Variants in KIAA0825 observed in about 807,000 individuals in gnomAD.
KIAA0825 encodes the protein KIAA0825, also known as uncharacterized protein KIAA0825.
A neutral mutation model predicts 147.6 loss-of-function variants in KIAA0825; 119 were observed. That is an observed-to-expected ratio of 0.81 (90% CI 0.69 to 0.94). KIAA0825 has a LOEUF of 0.94. Ranked by LOEUF, KIAA0825 falls within the 40% of genes least tolerant of loss-of-function variation. KIAA0825 has a pLI of 0.00. For synonymous variants in KIAA0825, 470 were observed against 518.1 expected (o/e 0.91, Z 1.26); for missense variants, 1,381 against 1,472.7 (o/e 0.94, Z 1.02).
At chr5:94,358,769 A>G (rs956616562) in intron 20 of KIAA0825, among the ~76,000 whole-genome samples, 2 of 152,224 alleles carry the variant, frequency 1.3e-5, no homozygotes, top group African/African-American at 4.8e-5. Flanking sequence ...GGGTACTTGC[A>G]TAATATTCTG....
chr5:94,537,262 T>C, intron 2 of KIAA0825, 135 bp from the exon 3 acceptor site: 2 of 592,280 alleles, frequency 3.4e-6, no homozygotes, highest in South Asian at 4.8e-5. Context: ...CAATGAAATA[T>C]AGCAGTTGGA....
chr5:94,522,123 A>C (rs1257713465), intron 4 of KIAA0825, among the ~76,000 whole-genome samples: 2 of 151,672 alleles, frequency 1.3e-5, no homozygotes, highest in Admixed American at 1.3e-4. Flanking sequence ...GTATTTAAAA[A>C]CCCAATTTAC....
At chr5:94,611,527 G>C (rs930868748) in intron 1 of KIAA0825, among the ~76,000 whole-genome samples, 5 of 150,534 alleles carry the variant, frequency 3.3e-5, no homozygotes, top group African/African-American at 9.7e-5. Context: ...GGTGGGGGCT[G>C]GGGGGAAGGA....
At chr5:94,442,348 C>T (rs1022622922) in intron 13 of KIAA0825, among the ~76,000 whole-genome samples, 1 of 152,110 alleles carries the variant, frequency 6.6e-6, no homozygotes, top group African/African-American at 2.4e-5. Flanking sequence ...TGGAGTAACT[C>T]CTCAGGCAAT....
At chr5:94,533,277 C>CT (rs780139022) in intron 3 of KIAA0825, among the ~76,000 whole-genome samples, 1,316 of 124,358 alleles carry the variant, frequency 0.011, 11 homozygotes, top group African/African-American at 0.023. Context: ...TGTGCCCGGC[C>CT]TTTTTTTTTT....
intron 20 of KIAA0825, among the ~76,000 whole-genome samples, chr5:94,332,335 G>A (rs1035874698): frequency 2.6e-5 from 4 of 151,312 alleles, no homozygotes; most frequent in Admixed American, 6.6e-5. Context: ...CCATCAACAC[G>A]TCATCTACAT....
rs747456042 is a variant in KIAA0825, at chr5:94,563,931, C to T, written c.-2+18502G>A. Among the ~76,000 whole-genome samples, 17 of 152,222 alleles carry T rather than the reference C, an allele frequency of 1.1e-4. 1 individual carries two copies. The highest frequency in any genetic ancestry group is 2.6e-4 in the Admixed American group (4 of 15,300). On this transcript the variant is annotated intron_variant, in intron 2 of 20. Transcript: ENST00000682413. ...GAACTCCTGACCTCAAGTGACCCAC[C>T]GCCTCAGCCTCCCAAACTGCTGGGA... is the stretch of plus-strand genomic sequence containing the variant.
intron 4 of KIAA0825, among the ~76,000 whole-genome samples, chr5:94,523,173 T>A (rs1172156420): frequency 6.6e-6 from 1 of 151,692 alleles, no homozygotes; most frequent in African/African-American, 2.4e-5. Flanking sequence ...ATTTTCCACA[T>A]CTGTCTTAGT....
rs1382039559 is a variant in KIAA0825, at chr5:94,388,440, T to C, written c.3457-2036A>G. 3.9e-4 allele frequency among the ~76,000 whole-genome samples: 59 copies of C among 152,194 alleles called. 2 individuals are homozygous for C. Among genetic ancestry groups the C allele is most frequent in the Admixed American group, 3.9e-3 (59 of 15,272 alleles). ...ATGGACTCTTACTAAACATTGTTAATGATAAAGCCATCAGAAAATAGTTTT... is the reference window on the plus strand; with the variant it reads ...ATGGACTCTTACTAAACATTGTTAACGATAAAGCCATCAGAAAATAGTTTT... On this transcript the variant is annotated intron_variant, in intron 18 of 20. Coordinates refer to ENST00000682413, the MANE Select transcript of KIAA0825 (RefSeq NM_001145678.3).
At position 94,255,831 on chromosome 5, in the gene KIAA0825, A is replaced by G. The variant is rs987843798; in HGVS notation, c.3711-101707T>C. Among the ~76,000 whole-genome samples the G allele has an allele frequency of 2.1e-5, 3 of 143,986 alleles. No individual in the cohort carries two copies. In the Admixed American group the frequency reaches 2.3e-4, roughly 11 times the overall value. 94.5% of individuals were successfully genotyped at this position (143,986 alleles called of 152,430 possible). A position where few individuals can be genotyped will look rare whatever the true frequency, so the allele number is the denominator to read the frequency against. Reference sequence around the variant, plus strand: ...CGGGCTCAGGTGATCCTCCCACCTCAGCCTCCTGAGTAGCTAAGAGTACAG... The same window carrying G: ...CGGGCTCAGGTGATCCTCCCACCTCGGCCTCCTGAGTAGCTAAGAGTACAG... On this transcript the variant is annotated intron_variant, in intron 20 of 20. Transcript: ENST00000682413.
At chr5:94,555,730 A>G (rs1203219249) in intron 2 of KIAA0825, among the ~76,000 whole-genome samples, 1 of 152,158 alleles carries the variant, frequency 6.6e-6, no homozygotes, top group African/African-American at 2.4e-5. Flanking sequence ...TCAATATGCA[A>G]TCCTAGCCAT....
chr5:94,456,740 A>C (rs1401120222), intron 12 of KIAA0825, among the ~76,000 whole-genome samples: 1 of 152,238 alleles, frequency 6.6e-6, no homozygotes, highest in East Asian at 1.9e-4. Context: ...AGTGCCTTGT[A>C]CACAATAAGT....
chr5:94,284,071 C>T (rs1286034235), intron 20 of KIAA0825, among the ~76,000 whole-genome samples: 1 of 152,094 alleles, frequency 6.6e-6, no homozygotes, highest in African/African-American at 2.4e-5. Context: ...TAAAACTATC[C>T]TCTCAAATAA....
chr5:94,482,811 C>T (rs955398811), intron 6 of KIAA0825, among the ~76,000 whole-genome samples: 3 of 152,038 alleles, frequency 2.0e-5, no homozygotes, highest in Non-Finnish European at 4.4e-5. Flanking sequence ...AGGAGACGTT[C>T]TAGTACTGAG....
intron 20 of KIAA0825, among the ~76,000 whole-genome samples, chr5:94,287,413 T>C (rs1175985026): frequency 6.6e-6 from 1 of 152,348 alleles, no homozygotes; most frequent in Middle Eastern, 3.4e-3. Context: ...ACATCTTCAC[T>C]AATTATCATT....
chr5:94,568,437 G>A (rs1779170496), intron 2 of KIAA0825: 2 of 153,468 alleles, frequency 1.3e-5, no homozygotes, highest in South Asian at 2.0e-4. Context: ...GGCCAACCTC[G>A]TTTCCCAACC....
intron 20 of KIAA0825, among the ~76,000 whole-genome samples, chr5:94,269,291 C>A (rs960702264): frequency 1.3e-5 from 2 of 151,976 alleles, no homozygotes; most frequent in Non-Finnish European, 2.9e-5. Context: ...AAATAAAAAG[C>A]AAGAAATTAA....
At chr5:94,165,878 T>C (rs189073233) in intron 20 of KIAA0825, among the ~76,000 whole-genome samples, 6 of 152,070 alleles carry the variant, frequency 3.9e-5, no homozygotes, top group Admixed American at 6.6e-5. Context: ...GGGCTGAGGG[T>C]GAGGTGGGTA....
At chr5:94,415,890 C>T (rs1753394121) in intron 15 of KIAA0825, 1 of 152,098 alleles carries the variant, frequency 6.6e-6, no homozygotes, top group Admixed American at 6.5e-5. Context: ...GTTCAAGAAC[C>T]TAATAGTTGA....
Sources: allele counts gnomAD v4.1 joint callset (sites outside exome capture counted in the v4.1 genomes callset), GRCh38; gene constraint gnomAD v4.1.1; transcripts MANE v1.5; gene names NCBI Gene and HGNC (gene_info 2026-07-23, HGNC 2026-07-21).